Variants in PTN observed in about 807,000 individuals in gnomAD.
PTN encodes the protein heparin affin regulatory protein.
Under a neutral mutation model 24.1 loss-of-function variants are expected in PTN, and 18 were observed. The observed-to-expected ratio is 0.75, with a 90% CI of 0.52 to 1.11. The LOEUF is 1.11. PTN is among the 50% of genes least tolerant of loss of function. PTN has a pLI of 0.00. For synonymous variants in PTN, 78 were observed against 68.6 expected (o/e 1.14, Z -0.67); for missense variants, 163 against 198.8 (o/e 0.82, Z 1.08).
chr7:137,239,382 A>C (rs974595662), intron 4 of PTN, among the ~76,000 whole-genome samples: 1 of 103,506 alleles, frequency 9.7e-6, no homozygotes, highest in African/African-American at 3.5e-5. Flanking sequence ...TTTTTTATTT[A>C]TTTATTTATT....
intron 4 of PTN, among the ~76,000 whole-genome samples, chr7:137,231,792 G>A (rs1450510840): frequency 6.6e-6 from 1 of 151,504 alleles, no homozygotes; most frequent in Non-Finnish European, 1.5e-5. Context: ...ATTTTATGAA[G>A]AAGAAAACTT....
intron 1 of PTN, among the ~76,000 whole-genome samples, chr7:137,300,585 G>A (rs1346817643): frequency 5.3e-5 from 8 of 151,910 alleles, no homozygotes; most frequent in African/African-American, 1.9e-4. Context: ...AGTAAAGCCT[G>A]CCAAACCTGG....
At chr7:137,239,660 T>C (rs910273241) in intron 4 of PTN, among the ~76,000 whole-genome samples, 10 of 152,102 alleles carry the variant, frequency 6.6e-5, no homozygotes, top group South Asian at 4.1e-4. Flanking sequence ...GTTTGGTTTT[T>C]TGTTCTTGCG....
intron 1 of PTN, among the ~76,000 whole-genome samples, chr7:137,312,783 C>G (rs554910325): frequency 6.6e-6 from 1 of 152,194 alleles, no homozygotes; most frequent in East Asian, 1.9e-4. Flanking sequence ...AACAACTACC[C>G]ATACGACAAA....
At chr7:137,257,717 A>G (rs1315088908) in intron 1 of PTN, among the ~76,000 whole-genome samples, 1 of 152,222 alleles carries the variant, frequency 6.6e-6, no homozygotes, top group Non-Finnish European at 1.5e-5. Flanking sequence ...GTTAAAATTT[A>G]CCTGCATTTT....
intron 4 of PTN, among the ~76,000 whole-genome samples, chr7:137,240,260 C>T (rs151265926): frequency 7.2e-5 from 11 of 152,246 alleles, no homozygotes; most frequent in East Asian, 3.9e-4. Context: ...GGGAAGGAAC[C>T]GTGTTTGTCT....
chr7:137,314,681 G>A (rs765809328), intron 1 of PTN, among the ~76,000 whole-genome samples: 36 of 140,150 alleles, frequency 2.6e-4, no homozygotes, highest in African/African-American at 5.4e-5. Flanking sequence ...GGCAACCTCC[G>A]ACTCCCAGGT....
intron 1 of PTN, among the ~76,000 whole-genome samples, chr7:137,256,579 G>C (rs935200808): frequency 6.6e-6 from 1 of 152,042 alleles, no homozygotes; most frequent in Non-Finnish European, 1.5e-5. Flanking sequence ...ATAAGCTTTT[G>C]GGTTGGTTCA....
chr7:137,292,702 G>A (rs572376921), intron 1 of PTN, among the ~76,000 whole-genome samples: 1 of 152,268 alleles, frequency 6.6e-6, no homozygotes, highest in African/African-American at 2.4e-5. Flanking sequence ...GTATTGTTTA[G>A]GGAATAATGA....
chr7:137,301,759 T>C (rs1280070035), intron 1 of PTN, among the ~76,000 whole-genome samples: 1 of 151,926 alleles, frequency 6.6e-6, no homozygotes, highest in Non-Finnish European at 1.5e-5. Context: ...TGCTTGTTCT[T>C]TGAACTCAGT....
chr7:137,261,592 G>A (rs1201764158), intron 1 of PTN, among the ~76,000 whole-genome samples: 1 of 152,114 alleles, frequency 6.6e-6, no homozygotes, highest in Non-Finnish European at 1.5e-5. Flanking sequence ...AAAAATCGCT[G>A]AGAAAAGGTA....
chr7:137,288,054 G>C (rs1159575815), intron 1 of PTN, among the ~76,000 whole-genome samples: 1 of 152,172 alleles, frequency 6.6e-6, no homozygotes, highest in Non-Finnish European at 1.5e-5. Context: ...ATACGTAAAA[G>C]AGGATATTTC....
intron 1 of PTN, among the ~76,000 whole-genome samples, chr7:137,259,579 C>A (rs903806389): frequency 6.6e-6 from 1 of 151,422 alleles, no homozygotes; most frequent in African/African-American, 2.4e-5. Context: ...TAGTGTACCC[C>A]TTTACTCTTA....
intron 1 of PTN, among the ~76,000 whole-genome samples, chr7:137,291,665 T>C (rs1809640757): frequency 6.6e-6 from 1 of 151,946 alleles, no homozygotes; most frequent in South Asian, 2.1e-4. Flanking sequence ...ACACTCAGAG[T>C]ACCCAAGTGA....
At chr7:137,251,425 G>T (rs761962006) in intron 3 of PTN, 34 bp from the exon 4 acceptor site, 1 of 1,600,444 alleles carries the variant, frequency 6.2e-7, no homozygotes, top group African/African-American at 1.3e-5. Flanking sequence ...AGAAATCCTT[G>T]AAAGATCCTA....
chr7:137,232,444 G>C (rs942266716), intron 4 of PTN, among the ~76,000 whole-genome samples: 2 of 151,842 alleles, frequency 1.3e-5, no homozygotes, highest in Admixed American at 1.3e-4. Flanking sequence ...GTGTATTTTT[G>C]TAACTTTGTG....
chr7:137,311,499 C>G (rs1031541286), intron 1 of PTN, among the ~76,000 whole-genome samples: 1 of 152,198 alleles, frequency 6.6e-6, no homozygotes, highest in African/African-American at 2.4e-5. Context: ...TTCTGATATG[C>G]CCTTCCCCAC....
intron 1 of PTN, among the ~76,000 whole-genome samples, chr7:137,319,202 T>C (rs1616000): frequency 0.87 from 132,553 of 152,188 alleles, 57,938 homozygotes; most frequent in Admixed American, 0.92. Flanking sequence ...GTTTACTTAA[T>C]ATCCCTCAGC....
chr7:137,237,024 T>C (rs957598907), intron 4 of PTN, among the ~76,000 whole-genome samples: 3 of 152,124 alleles, frequency 2.0e-5, no homozygotes, highest in Admixed American at 6.6e-5. Flanking sequence ...TTCAAAAAAT[T>C]ATAGATATAG....
Sources: allele counts gnomAD v4.1 joint callset (sites outside exome capture counted in the v4.1 genomes callset), GRCh38; gene constraint gnomAD v4.1.1; transcripts MANE v1.5; gene names NCBI Gene and HGNC (gene_info 2026-07-23, HGNC 2026-07-21).